Variants in ZNG1B observed in about 807,000 individuals in gnomAD.
The protein encoded by ZNG1B is Zn regulated GTPase metalloprotein activator 1B.
the ZNG1B span, among the ~76,000 whole-genome samples, chr2:113,446,454 A>G: frequency 3.0e-4 from 45 of 152,360 alleles, no homozygotes; most frequent in African/African-American, 1.1e-3. Flanking sequence ...CTATTGTGAT[A>G]TACAAGTAGG....
chr2:113,471,833 T>C, the ZNG1B span, among the ~76,000 whole-genome samples: 1 of 151,994 alleles, frequency 6.6e-6, no homozygotes, highest in Non-Finnish European at 1.5e-5. Context: ...TATGGCTGCA[T>C]AGTATTCCAT....
the ZNG1B span, among the ~76,000 whole-genome samples, chr2:113,489,694 A>G: frequency 6.6e-5 from 10 of 152,106 alleles, no homozygotes; most frequent in African/African-American, 2.4e-4. Context: ...ACGGACACCA[A>G]GTGTGAGCAG....
chr2:113,440,120 G>A, the ZNG1B span, among the ~76,000 whole-genome samples: 2 of 151,376 alleles, frequency 1.3e-5, no homozygotes, highest in African/African-American at 4.9e-5. Context: ...TCCTGACCTC[G>A]TGATCCGCCC....
At chr2:113,487,040 T>C in the ZNG1B span, among the ~76,000 whole-genome samples, 1 of 150,666 alleles carries the variant, frequency 6.6e-6, no homozygotes, top group Non-Finnish European at 1.5e-5. Context: ...AAAATAGTTT[T>C]AAAATAGAAT....
chr2:113,481,607 C>T, the ZNG1B span: 1 of 152,360 alleles, frequency 6.6e-6, no homozygotes, highest in South Asian at 2.1e-4. Flanking sequence ...TCTTCTTGTG[C>T]TTTTCATATC....
At chr2:113,454,499 ATT>A in the ZNG1B span, among the ~76,000 whole-genome samples, 1 of 150,308 alleles carries the variant, frequency 6.7e-6, no homozygotes, top group African/African-American at 2.4e-5. Context: ...TAAAATTTTT[ATT>A]TGTTTTATAT....
At chr2:113,487,976 G>A in the ZNG1B span, among the ~76,000 whole-genome samples, 211 of 152,086 alleles carry the variant, frequency 1.4e-3, 1 homozygote, top group Non-Finnish European at 2.6e-3. Context: ...GCGTTCTAGA[G>A]CCCAACACAT....
chr2:113,449,761 CT>C, the ZNG1B span, among the ~76,000 whole-genome samples: 7 of 151,152 alleles, frequency 4.6e-5, no homozygotes, highest in Non-Finnish European at 8.8e-5. Flanking sequence ...ATCAGTCACA[CT>C]TTTTTCCCCC....
chr2:113,448,485 C>G, the ZNG1B span, among the ~76,000 whole-genome samples: 2 of 150,288 alleles, frequency 1.3e-5, no homozygotes, highest in Non-Finnish European at 3.0e-5. Context: ...TCACCAGCTG[C>G]TTTAGCCTCT....
At chr2:113,489,613 A>G in the ZNG1B span, among the ~76,000 whole-genome samples, 2 of 152,214 alleles carry the variant, frequency 1.3e-5, no homozygotes, top group African/African-American at 4.8e-5. Flanking sequence ...GTTGCCTTCA[A>G]GAGTCTCACC....
the ZNG1B span, among the ~76,000 whole-genome samples, chr2:113,481,030 C>T: frequency 8.0e-5 from 12 of 150,258 alleles, no homozygotes; most frequent in African/African-American, 2.0e-4. Flanking sequence ...GGGAAAAAAT[C>T]GAGGCCATGA....
the ZNG1B span, chr2:113,465,861 T>C: frequency 1.0e-6 from 1 of 982,182 alleles, no homozygotes; most frequent in African/African-American, 1.8e-5. Flanking sequence ...ACTCAGTCTC[T>C]ACTTGAGAAA....
the ZNG1B span, among the ~76,000 whole-genome samples, chr2:113,453,639 T>C: frequency 1.3e-5 from 2 of 151,510 alleles, no homozygotes; most frequent in Non-Finnish European, 2.9e-5. Context: ...TGTTGTTCTT[T>C]TCACACTTTA....
the ZNG1B span, among the ~76,000 whole-genome samples, chr2:113,449,944 G>A: frequency 6.7e-6 from 1 of 148,532 alleles, no homozygotes; most frequent in East Asian, 2.0e-4. Context: ...TTTCGTTCCT[G>A]AAAAATAACT....
chr2:113,438,511 G>A, the ZNG1B span, among the ~76,000 whole-genome samples: 1 of 152,160 alleles, frequency 6.6e-6, no homozygotes, highest in Non-Finnish European at 1.5e-5. Context: ...AGTTGGCAGG[G>A]AGCGCTCCTA....
chr2:113,445,825 C>T, the ZNG1B span, among the ~76,000 whole-genome samples: 5 of 141,694 alleles, frequency 3.5e-5, no homozygotes, highest in East Asian at 1.0e-3. Flanking sequence ...ATCTGGGTCT[C>T]TGGCATTGGG....
the ZNG1B span, among the ~76,000 whole-genome samples, chr2:113,479,595 G>C: frequency 6.6e-6 from 1 of 151,928 alleles, no homozygotes; most frequent in Non-Finnish European, 1.5e-5. Context: ...CTTTTCTCTC[G>C]ATGATCCTTT....
At chr2:113,488,642 T>G in the ZNG1B span, among the ~76,000 whole-genome samples, 1 of 150,132 alleles carries the variant, frequency 6.7e-6, no homozygotes, top group African/African-American at 2.4e-5. Context: ...GGGAGAAATA[T>G]TCAATGAACT....
At chr2:113,441,178 T>C in the ZNG1B span, among the ~76,000 whole-genome samples, 5 of 152,216 alleles carry the variant, frequency 3.3e-5, no homozygotes, top group African/African-American at 7.2e-5. Flanking sequence ...ACATAAAGTA[T>C]TTTGCAACAG....
Sources: allele counts gnomAD v4.1 joint callset (sites outside exome capture counted in the v4.1 genomes callset), GRCh38; gene constraint gnomAD v4.1.1; transcripts MANE v1.5; gene names NCBI Gene and HGNC (gene_info 2026-07-23, HGNC 2026-07-21).